CYP2C8: variants seen among roughly 807,000 people sequenced by gnomAD.
CYP2C8 encodes cytochrome P450 family 2 subfamily C member 8.
A neutral mutation model predicts 41.3 loss-of-function variants in CYP2C8; 51 were observed. The ratio of observed to expected loss-of-function variants is 1.24; its 90% CI spans 0.99 to 1.56. The LOEUF (loss-of-function observed/expected upper bound fraction) is 1.56. Ranked by LOEUF, CYP2C8 falls within the 40% of genes most tolerant of loss-of-function variation. The pLI, the probability that CYP2C8 is intolerant of heterozygous loss-of-function variation, is 0.00. For missense variants in CYP2C8, 651 were observed against 579.9 expected (o/e 1.12, Z -1.26); for synonymous variants, 218 against 205.8 (o/e 1.06, Z -0.51).
At position 95,062,365 on chromosome 10, in the gene CYP2C8, T is replaced by A. The variant is rs2134434506; in HGVS notation, c.642+2435A>T. 2.0e-5 allele frequency among the ~76,000 whole-genome samples: 3 copies of A among 152,342 alleles called. No individual in the cohort carries two copies. In the East Asian group the frequency reaches 5.8e-4, roughly 29 times the overall value. ...TATATTTAGGATAGTTAGCTCTTCT[T>A]ATTGAATTGATCCCTTTACCATTAT... On this transcript the variant is annotated intron_variant, in intron 4 of 8. Transcript: ENST00000371270.
At chr10:95,046,749 A>AT (rs11449814) in intron 5 of CYP2C8, among the ~76,000 whole-genome samples, 3 of 13,298 alleles carry the variant, frequency 2.3e-4, no homozygotes, top group African/African-American at 1.0e-3. Context: ...TAAATATGGT[A>AT]AAAAAAAAAA....
intron 5 of CYP2C8, among the ~76,000 whole-genome samples, chr10:95,050,194 G>A (rs1385041527): frequency 6.6e-6 from 1 of 152,070 alleles, no homozygotes; most frequent in African/African-American, 2.4e-5. Flanking sequence ...CTTTGGAAAG[G>A]AAAGGGAAGA....
rs1589450506 is a variant in CYP2C8 at position 95,069,267 on chromosome 10, C to T, written c.136G>A (p.Asp46Asn). ...LPIIGNMLQI[D>N]VKDICKSFTN... ...AAAGATTTGCAGATGTCCTTAACAT[C>T]TATCTGTAGCATATTTCCAATAATA... The change falls in exon 1 of 9, where the codon GAT (aspartate) becomes AAT (asparagine). Residue 46 changes from aspartate to asparagine, a missense_variant. Asp to Asn is a conservative substitution (Grantham distance 23, BLOSUM62 1). Transcript: ENST00000371270. 6.2e-7 allele frequency: 1 copy of T among 1,614,070 alleles called. No individual in the cohort carries two copies. Among genetic ancestry groups the T allele is most frequent in the Non-Finnish European group, 8.5e-7 (1 of 1,179,972 alleles).
In CYP2C8 at chr10:95,067,622, A is replaced by G; in HGVS notation, c.238T>C (p.Tyr80His). 6.2e-7 allele frequency: 1 copy of G among 1,614,154 alleles called. No homozygotes were observed. The highest frequency in any genetic ancestry group is 8.5e-7 in the Non-Finnish European group (1 of 1,180,008). Residue 80 changes from tyrosine to histidine, a missense_variant, in exon 2 of 9, where the codon TAT becomes CAT. Physicochemically the swap from Tyr to His is moderately conservative, Grantham distance 83. Transcript: ENST00000371270. Reference sequence around the variant, plus strand: ...ATCAGGGCTTCCTTCACTGCCTCATATCCATGAAACACCACTATGGGATTC... The same window carrying G: ...ATCAGGGCTTCCTTCACTGCCTCATGTCCATGAAACACCACTATGGGATTC... ...GMNPIVVFHGYEAVKEALIDN... is the reference protein window; with the variant it reads ...GMNPIVVFHGHEAVKEALIDN...
chr10:95,068,489 T>A, intron 1 of CYP2C8: 1 of 735,256 alleles, frequency 1.4e-6, no homozygotes, highest in Non-Finnish European at 2.0e-6. Context: ...ACATCAGCCA[T>A]CAAATGAATC....
At chr10:95,044,665 C>T (rs764355161) in intron 6 of CYP2C8, among the ~76,000 whole-genome samples, 5 of 151,974 alleles carry the variant, frequency 3.3e-5, no homozygotes, top group Non-Finnish European at 2.9e-5. Context: ...TGTAAAGTGT[C>T]GCCGAGTACA....
intron 4 of CYP2C8, among the ~76,000 whole-genome samples, chr10:95,058,809 A>C (rs1053282810): frequency 6.6e-6 from 1 of 151,838 alleles, no homozygotes; most frequent in African/African-American, 2.4e-5. Flanking sequence ...CCACCACACA[A>C]CAGACCCCAG....
chr10:95,061,495 T>C (rs1231569916), intron 4 of CYP2C8, among the ~76,000 whole-genome samples: 1 of 152,216 alleles, frequency 6.6e-6, no homozygotes, highest in Non-Finnish European at 1.5e-5. Context: ...ATATCCCCTT[T>C]ATCATTTTTT....
chr10:95,059,451 T>G (rs574255770), intron 4 of CYP2C8, among the ~76,000 whole-genome samples: 403 of 152,186 alleles, frequency 2.6e-3, no homozygotes, highest in Non-Finnish European at 4.8e-3. Flanking sequence ...TTTTGAGAAG[T>G]GTCTGTTCGT....
At chr10:95,049,123 A>C (rs2134417897) in intron 5 of CYP2C8, among the ~76,000 whole-genome samples, 1 of 152,306 alleles carries the variant, frequency 6.6e-6, no homozygotes, top group African/African-American at 2.4e-5. Context: ...AGCAAGAAAA[A>C]AATCCGAATA....
Position 95,039,031 on chromosome 10 carries a change from G to A in CYP2C8, c.1157C>T (p.Thr386Ile), listed in dbSNP as rs2032944739. The change falls in exon 8 of 9, where the codon ACC (threonine) becomes ATC (isoleucine). Residue 386 changes from threonine to isoleucine, a missense_variant. By Grantham distance (89) the Thr-to-Ile change is moderately conservative. Transcript: ENST00000371270. ...CACGGAAGTCAGTAATGCCATTATG[G>A]TTGTGCCCTGGAAGTAACAAAACAG... is the stretch of plus-strand genomic sequence containing the variant. ...FRNYLIPKGT[T>I]IMALLTSVLH... 6 of 1,613,442 alleles carry A rather than the reference G, an allele frequency of 3.7e-6. No individual in the cohort carries two copies. The highest frequency in any genetic ancestry group is 4.2e-6 in the Non-Finnish European group (5 of 1,179,378).
At chr10:95,038,050 C>A (rs1464252172) in intron 8 of CYP2C8, among the ~76,000 whole-genome samples, 1 of 152,184 alleles carries the variant, frequency 6.6e-6, no homozygotes, top group Non-Finnish European at 1.5e-5. Flanking sequence ...CTGTCCTTGT[C>A]ATGTTGGTAT....
intron 4 of CYP2C8, among the ~76,000 whole-genome samples, chr10:95,062,910 C>A (rs1368049291): frequency 6.6e-6 from 1 of 152,120 alleles, no homozygotes; most frequent in East Asian, 1.9e-4. Flanking sequence ...CTTAGTTTGG[C>A]TGGATATGAA....
chr10:95,061,031 G>T (rs1271090743), intron 4 of CYP2C8, among the ~76,000 whole-genome samples: 1 of 152,160 alleles, frequency 6.6e-6, no homozygotes, highest in Admixed American at 6.5e-5. Context: ...ATGTGCTGCT[G>T]GATTCAGTTT....
chr10:95,060,905 G>A (rs374299343), intron 4 of CYP2C8, among the ~76,000 whole-genome samples: 1 of 152,182 alleles, frequency 6.6e-6, no homozygotes, highest in East Asian at 1.9e-4. Context: ...AGATAATCAT[G>A]TGGTTTTTGT....
chr10:95,065,068 A>G, intron 3 of CYP2C8, 108 bp from the exon 4 acceptor site: 1 of 1,051,484 alleles, frequency 9.5e-7, no homozygotes, highest in Non-Finnish European at 1.3e-6. Flanking sequence ...ATATCTTACA[A>G]ATTCCCCATG....
At position 95,058,490 on chromosome 10, in the gene CYP2C8, G is replaced by A; in HGVS notation, c.664C>T (p.Leu222Phe). ...WIQVCNNFPL[L>F]IDCFPGTHNK... ...TGAGTTCCTGGGAAACAATCAATGA[G>A]TAGAGGGAAATTATTGCAGACCTAA... is the stretch of plus-strand genomic sequence containing the variant. The change falls in exon 5 of 9, where the codon CTC (leucine) becomes TTC (phenylalanine). Residue 222 changes from leucine to phenylalanine, a missense_variant. Transcript: ENST00000371270. 1 of 1,612,850 alleles carries A rather than the reference G, an allele frequency of 6.2e-7. No individual in the cohort carries two copies. Among genetic ancestry groups the A allele is most frequent in the Non-Finnish European group, 8.5e-7 (1 of 1,179,344 alleles).
chr10:95,041,977 G>A (rs2033011480), intron 7 of CYP2C8, among the ~76,000 whole-genome samples: 1 of 152,056 alleles, frequency 6.6e-6, no homozygotes, highest in African/African-American at 2.4e-5. Flanking sequence ...CATAACAAAT[G>A]TAGAGTATCA....
In CYP2C8 at chr10:95,059,400, A is replaced by T. The variant is rs541061094; in HGVS notation, c.643-889T>A. 2.9e-3 allele frequency among the ~76,000 whole-genome samples: 430 copies of T among 149,468 alleles called. 3 individuals carry two copies. Among genetic ancestry groups the T allele is most frequent in the African/African-American group, 0.01 (404 of 40,112 alleles). On this transcript the variant is annotated intron_variant, in intron 4 of 8. Coordinates refer to ENST00000371270, the MANE Select transcript of CYP2C8 (RefSeq NM_000770.3). The stretch of plus-strand genomic sequence containing the variant: ...TGCATTTCTCTGATGGCCAGTGATG[A>T]TGAGCATTTTTTCATGTGTTTTTTG...
Sources: allele counts gnomAD v4.1 joint callset (sites outside exome capture counted in the v4.1 genomes callset), GRCh38; gene constraint gnomAD v4.1.1; transcripts MANE v1.5; gene names NCBI Gene and HGNC (gene_info 2026-07-23, HGNC 2026-07-21).